EPHB2: variants seen among roughly 807,000 people sequenced by gnomAD.
EPHB2 encodes the protein EPH receptor B2.
In EPHB2, 18 loss-of-function variants were observed where a neutral mutation model predicts 96.4. That is an observed-to-expected ratio of 0.19 (90% CI 0.13 to 0.28). The LOEUF (loss-of-function observed/expected upper bound fraction) is 0.28. Among genes scored for constraint, EPHB2 ranks in the 10% least tolerant of loss-of-function variants. The pLI is 1.00. For missense variants in EPHB2, 989 were observed against 1,355.4 expected, an observed-to-expected ratio of 0.73 and a Z score of 4.25; for synonymous variants, 506 against 534.1, an observed-to-expected ratio of 0.95 and a Z score of 0.72.
At chr1:22,736,697 T>C (rs1050011309) in intron 1 of EPHB2, among the ~76,000 whole-genome samples, 9 of 152,304 alleles carry the variant, frequency 5.9e-5, no homozygotes, top group African/African-American at 2.2e-4. Flanking sequence ...AGGGTCACTG[T>C]GGATAAAGGC....
At chr1:22,859,636 A>T (rs6675629) in intron 3 of EPHB2, among the ~76,000 whole-genome samples, 6,969 of 151,962 alleles carry the variant, frequency 0.046, 510 homozygotes, top group African/African-American at 0.16. Context: ...GTCTACTAAA[A>T]ATACAAATTA....
In EPHB2 at chr1:22,916,741, A is replaced by C. The variant is rs1640280704; in HGVS notation, c.*3171A>C. 6.6e-6 allele frequency: 1 copy of C among 152,226 alleles called. No homozygotes were observed. Among genetic ancestry groups the C allele is most frequent in the Non-Finnish European group, 1.5e-5 (1 of 68,108 alleles). The allele number at this position is 152,226 out of a possible 1,614,324, so 9.4% of individuals were successfully genotyped here. A position where few individuals can be genotyped will look rare whatever the true frequency, so the allele number is the denominator to read the frequency against. On this transcript the variant is annotated 3_prime_UTR_variant, in exon 16 of 16. Coordinates refer to ENST00000374630, the MANE Select transcript of EPHB2 (RefSeq NM_017449.5). This position sits in a 1 kb window ranked among gnomAD's most constrained non-coding sequence, Gnocchi z 4.2. Reference sequence around the variant, plus strand: ...GGGAGTTTCCGGCTGCTCTGCACACAGTTGGTACTGCAGGAAAGAAAGCTG... The same window carrying C: ...GGGAGTTTCCGGCTGCTCTGCACACCGTTGGTACTGCAGGAAAGAAAGCTG...
chr1:22,890,838 T>C (rs1639366772), intron 6 of EPHB2, among the ~76,000 whole-genome samples: 1 of 152,238 alleles, frequency 6.6e-6, no homozygotes, highest in Non-Finnish European at 1.5e-5. Flanking sequence ...TGCCACCATG[T>C]GAAGAAGTAT....
chr1:22,907,279 G>A (rs1219939849), intron 11 of EPHB2, among the ~76,000 whole-genome samples: 2 of 152,162 alleles, frequency 1.3e-5, no homozygotes, highest in African/African-American at 2.4e-5. Flanking sequence ...TTATGCACAG[G>A]AGAAAACGGG....
intron 3 of EPHB2, among the ~76,000 whole-genome samples, chr1:22,788,683 AATGTGGCTCTGAG>A (rs1644646406): frequency 6.6e-6 from 1 of 151,900 alleles, no homozygotes; most frequent in Non-Finnish European, 1.5e-5. Context: ...CAGGTCTGGG[AATGTGGCTCTGAG>A]ATGGGGCCAA....
At chr1:22,797,022 C>T (rs1278023056) in intron 3 of EPHB2, among the ~76,000 whole-genome samples, 1 of 152,164 alleles carries the variant, frequency 6.6e-6, no homozygotes, top group African/African-American at 2.4e-5. Flanking sequence ...TGACTGTTAT[C>T]TCATTGGATT....
chr1:22,891,835 C>T (rs1040063800), intron 6 of EPHB2, among the ~76,000 whole-genome samples: 1 of 149,626 alleles, frequency 6.7e-6, no homozygotes, highest in African/African-American at 2.5e-5. Flanking sequence ...TGCTCTGTTG[C>T]CCAGGCTACA....
At chr1:22,771,745 A>T (rs140026697) in intron 1 of EPHB2, among the ~76,000 whole-genome samples, 127 of 152,272 alleles carry the variant, frequency 8.3e-4, no homozygotes, top group African/African-American at 2.9e-3. Context: ...TGCCATGATG[A>T]TACTTCTTTA....
At chr1:22,817,335 T>C (rs6703663) in intron 3 of EPHB2, among the ~76,000 whole-genome samples, 2,612 of 152,348 alleles carry the variant, frequency 0.017, 35 homozygotes, top group African/African-American at 0.03. Flanking sequence ...GGTCCTGATA[T>C]TATTCCCATT....
At position 22,810,374 on chromosome 1, in the gene EPHB2, G is replaced by T. The variant is rs74061037; in HGVS notation, c.811+25298G>T. ...GTGGGGTGGAGGGAGCTGGTGGATT[G>T]CTTGGCCATTGAGCCTCCCCTTCGT... On this transcript the variant is annotated intron_variant, in intron 3 of 15. Coordinates refer to ENST00000374630, the MANE Select transcript of EPHB2 (RefSeq NM_017449.5). Among the ~76,000 whole-genome samples the T allele has an allele frequency of 6.4e-3, 967 of 152,240 alleles. 13 individuals carry two copies. The highest frequency in any genetic ancestry group is 0.021 in the African/African-American group (892 of 41,544).
At chr1:22,764,165 G>A (rs1240093169) in intron 1 of EPHB2, among the ~76,000 whole-genome samples, 1 of 152,206 alleles carries the variant, frequency 6.6e-6, no homozygotes, top group Non-Finnish European at 1.5e-5. Context: ...AGATGAGAAA[G>A]CAAGTCTGCT....
At chr1:22,810,831 G>A (rs937436895) in intron 3 of EPHB2, among the ~76,000 whole-genome samples, 37 of 152,146 alleles carry the variant, frequency 2.4e-4, no homozygotes, top group African/African-American at 7.7e-4. Context: ...CCAAGGCCGG[G>A]AAAGAAGTAT....
intron 8 of EPHB2, 90 bp from the exon 9 acceptor site, chr1:22,896,324 G>C: frequency 3.2e-6 from 5 of 1,568,328 alleles, no homozygotes; most frequent in Non-Finnish European, 4.4e-6. Flanking sequence ...GGCTTCTAGG[G>C]CCTGCCCACC....
chr1:22,757,032 T>G (rs56952394), intron 1 of EPHB2, among the ~76,000 whole-genome samples: 140,991 of 152,258 alleles, frequency 0.93, 66,244 homozygotes, highest in East Asian at 1. Context: ...GACTTTCACT[T>G]TATACCTGTC....
rs187944380 is a variant in EPHB2 at position 22,798,230 on chromosome 1, G to T, written c.811+13154G>T. ...ACATGGACCCTTTCAATCCTGCTGG[G>T]AGTAACGCTACTAACCAAGGCCCAT... is the stretch of plus-strand genomic sequence containing the variant. On this transcript the variant is annotated intron_variant, in intron 3 of 15. Coordinates refer to ENST00000374630, the MANE Select transcript of EPHB2 (RefSeq NM_017449.5). Among the ~76,000 whole-genome samples, 56 of 152,270 alleles carry T rather than the reference G, an allele frequency of 3.7e-4. 1 individual carries two copies. The highest frequency in any genetic ancestry group is 1.3e-3 in the African/African-American group (54 of 41,564).
chr1:22,746,356 G>A (rs1446455577), intron 1 of EPHB2, among the ~76,000 whole-genome samples: 3 of 152,220 alleles, frequency 2.0e-5, no homozygotes, highest in Non-Finnish European at 2.9e-5. Context: ...AAAAGGGAAG[G>A]GAGGGTGCAC....
chr1:22,888,069 A>T (rs934713787), intron 6 of EPHB2, among the ~76,000 whole-genome samples: 16 of 152,034 alleles, frequency 1.1e-4, no homozygotes, highest in African/African-American at 3.6e-4. Context: ...GTGTGACAAC[A>T]GAGTTTTGCT....
intron 5 of EPHB2, among the ~76,000 whole-genome samples, chr1:22,866,433 C>A (rs987245685): frequency 6.6e-6 from 1 of 151,998 alleles, no homozygotes; most frequent in Non-Finnish European, 1.5e-5. Context: ...AAGGACCAGT[C>A]GAAATTTTTT....
intron 1 of EPHB2, among the ~76,000 whole-genome samples, chr1:22,736,658 C>A (rs750227354): frequency 3.7e-4 from 56 of 152,358 alleles, no homozygotes; most frequent in Non-Finnish European, 7.1e-4. Flanking sequence ...CTCCGCAGCG[C>A]GGCATGTTTG....
Sources: gnomAD v4.1 joint callset for allele counts (sites outside exome capture counted in the v4.1 genomes callset) on GRCh38, gnomAD v4.1.1 for gene constraint, Gnocchi (gnomAD v3.1) non-coding constraint, MANE v1.5 for transcripts, NCBI Gene and HGNC (gene_info 2026-07-23, HGNC 2026-07-21) for gene names.